Variants in YES1 observed in about 807,000 individuals in gnomAD.
YES1 encodes tyrosine-protein kinase Yes.
A neutral mutation model predicts 70.4 loss-of-function variants in YES1; 39 were observed. The observed-to-expected ratio is 0.55, with a 90% confidence interval of 0.43 to 0.72. The LOEUF (loss-of-function observed/expected upper bound fraction) is 0.72. Ranked by LOEUF, YES1 falls within the 30% of genes least tolerant of loss-of-function variation. The pLI is 0.00. For synonymous variants in YES1, 198 were observed against 218.6 expected, an observed-to-expected ratio of 0.91 and a Z score of 0.83; for missense variants, 495 against 644.8, an observed-to-expected ratio of 0.77 and a Z score of 2.52.
At chr18:730,433 T>C (rs1028527451) in intron 11 of YES1, among the ~76,000 whole-genome samples, 1 of 150,982 alleles carries the variant, frequency 6.6e-6, no homozygotes, top group African/African-American at 2.4e-5. Context: ...CAGCTTCAAA[T>C]TCCTGGGCTC....
chr18:763,420 T>A (rs2145757806), intron 1 of YES1, among the ~76,000 whole-genome samples: 1 of 151,814 alleles, frequency 6.6e-6, no homozygotes, highest in Non-Finnish European at 1.5e-5. Context: ...AGCAGCCAGG[T>A]GTGGCGGCTC....
chr18:779,537 C>A (rs1905551825), intron 1 of YES1, among the ~76,000 whole-genome samples: 1 of 152,062 alleles, frequency 6.6e-6, no homozygotes, highest in Non-Finnish European at 1.5e-5. Flanking sequence ...CAGAACAGAT[C>A]TGAATTATGC....
chr18:793,643 A>G (rs1045773107), intron 1 of YES1, among the ~76,000 whole-genome samples: 20 of 152,152 alleles, frequency 1.3e-4, no homozygotes, highest in Admixed American at 4.6e-4. Context: ...GACCTGCATG[A>G]TCCCTTATAC....
intron 1 of YES1, among the ~76,000 whole-genome samples, chr18:797,255 A>C (rs1782868736): frequency 6.6e-6 from 1 of 152,176 alleles, no homozygotes; most frequent in Non-Finnish European, 1.5e-5. Flanking sequence ...TCAATTGAAA[A>C]AGCAAATTAA....
Position 745,746 on chromosome 18 carries a change from T to C in YES1, c.686A>G (p.Gln229Arg), listed in dbSNP as rs1186208968. Residue 229 changes from glutamine (Q) to arginine (R), a missense_variant, in exon 6 of 12, where the codon CAA becomes CGA. Around this residue, in one of 2 missense-constraint regions of YES1, gnomAD observed 385 missense variants for 540.9 expected, o/e 0.71. Coordinates refer to ENST00000314574, the MANE Select transcript of YES1 (RefSeq NM_005433.4). The part of the protein sequence containing the change: ...NGGYYITTRA[Q>R]FDTLQKLVKH... ...CACCAATTTCTGCAGAGTATCAAAT[T>C]GTGCTCTGGTTGTGATATAGTATCC... 1.9e-6 allele frequency: 3 copies of C among 1,612,618 alleles called. No homozygotes were observed. The East Asian group carries it at 6.7e-5, about 36-fold the overall frequency.
At chr18:729,458 CTTTT>C (rs148415047) in intron 11 of YES1, among the ~76,000 whole-genome samples, 7 of 146,942 alleles carry the variant, frequency 4.8e-5, no homozygotes, top group Non-Finnish European at 9.0e-5. Context: ...CCATTTGATT[CTTTT>C]TTTTTTAATA....
At chr18:787,666 C>T (rs534846439) in intron 1 of YES1, among the ~76,000 whole-genome samples, 6 of 151,730 alleles carry the variant, frequency 4.0e-5, no homozygotes, top group South Asian at 2.1e-4. Flanking sequence ...GCTGAAATCG[C>T]GCCACTGCAC....
At chr18:808,386 T>C (rs1423485569) in intron 1 of YES1, among the ~76,000 whole-genome samples, 1 of 152,200 alleles carries the variant, frequency 6.6e-6, no homozygotes, top group Non-Finnish European at 1.5e-5. Context: ...ATTGTGGCAC[T>C]GGAGCAGCTG....
intron 3 of YES1, among the ~76,000 whole-genome samples, chr18:751,055 A>G (rs2080335761): frequency 6.6e-6 from 1 of 152,214 alleles, no homozygotes; most frequent in Admixed American, 6.5e-5. Flanking sequence ...TAAAAGTAGA[A>G]GGATATGACC....
intron 4 of YES1, 29 bp from the exon 5 acceptor site, chr18:746,080 A>G (rs1461118609): frequency 1.3e-6 from 2 of 1,560,046 alleles, no homozygotes; most frequent in Non-Finnish European, 1.8e-6. Context: ...TTTTGAATTG[A>G]AAAGTATGAG....
intron 1 of YES1, among the ~76,000 whole-genome samples, chr18:769,009 T>C (rs1040125889): frequency 6.6e-6 from 1 of 152,084 alleles, no homozygotes; most frequent in African/African-American, 2.4e-5. Flanking sequence ...GCCCTAGATA[T>C]GTTTAGATAC....
At chr18:772,361 C>T (rs1040872647) in intron 1 of YES1, among the ~76,000 whole-genome samples, 1 of 151,948 alleles carries the variant, frequency 6.6e-6, no homozygotes, top group African/African-American at 2.4e-5. Flanking sequence ...GGTCTTGATA[C>T]TAGGTAAACA....
intron 9 of YES1, chr18:738,959 G>C (rs957137837): frequency 6.6e-6 from 1 of 151,896 alleles, no homozygotes; most frequent in Non-Finnish European, 1.5e-5. Flanking sequence ...GAGTAGCTGG[G>C]ATTACAGGCG....
intron 2 of YES1, among the ~76,000 whole-genome samples, chr18:754,194 A>C (rs914025847): frequency 2.0e-5 from 3 of 152,174 alleles, no homozygotes; most frequent in Non-Finnish European, 4.4e-5. Flanking sequence ...AATAAAACCT[A>C]AACTCGCTAC....
At position 724,639 on chromosome 18, in the gene YES1, C is replaced by T. The variant is rs1374919714; in HGVS notation, c.1424-7G>A. The T allele has an allele frequency of 6.2e-7, 1 of 1,612,140 alleles. No individual in the cohort carries two copies. The highest frequency in any genetic ancestry group is 8.5e-7 in the Non-Finnish European group (1 of 1,178,390). ...ACTTCACGGTTCACCATACCTAATA[C>T]ACAAGATTAAAACATTAAAGAACAA... On this transcript the variant is annotated splice_polypyrimidine_tract_variant and splice_region_variant and intron_variant, in intron 11 of 11. Coordinates refer to ENST00000314574, the MANE Select transcript of YES1 (RefSeq NM_005433.4).
chr18:775,499 T>G (rs1418446870), intron 1 of YES1, among the ~76,000 whole-genome samples: 1 of 152,168 alleles, frequency 6.6e-6, no homozygotes, highest in African/African-American at 2.4e-5. Flanking sequence ...GTAAGGCTTC[T>G]CATAAATGGA....
At chr18:725,464 G>T (rs543932608) in intron 11 of YES1, among the ~76,000 whole-genome samples, 4 of 152,034 alleles carry the variant, frequency 2.6e-5, no homozygotes, top group African/African-American at 9.6e-5. Flanking sequence ...TTATTTTTTT[G>T]AGGAATAAGT....
intron 1 of YES1, among the ~76,000 whole-genome samples, chr18:771,715 A>ATT (rs1216373337): frequency 6.6e-6 from 1 of 152,046 alleles, no homozygotes; most frequent in Non-Finnish European, 1.5e-5. Flanking sequence ...TGCCTGGCTA[A>ATT]TTTTTGTACA....
At chr18:808,714 C>T (rs112601649) in intron 1 of YES1, among the ~76,000 whole-genome samples, 1,876 of 152,292 alleles carry the variant, frequency 0.012, 38 homozygotes, top group African/African-American at 0.042. Context: ...TCTTCTTCAA[C>T]TCTACAACAA....
Sources: gnomAD v4.1 joint callset for allele counts (sites outside exome capture counted in the v4.1 genomes callset) on GRCh38, gnomAD v4.1.1 for gene constraint, gnomAD v4.1.1 regional missense constraint, MANE v1.5 for transcripts, NCBI Gene and HGNC (gene_info 2026-07-23, HGNC 2026-07-21) for gene names.